Variants in APCDD1 observed in about 807,000 individuals in gnomAD.
The protein encoded by APCDD1 is APC down-regulated 1.
Under a neutral mutation model 38.1 loss-of-function variants are expected in APCDD1, and 15 were observed. The observed-to-expected ratio is 0.39, with a 90% CI of 0.26 to 0.61. The LOEUF is 0.61. Among genes scored for constraint, APCDD1 ranks in the 20% least tolerant of loss-of-function variants. The probability of loss-of-function intolerance (pLI) is 0.49; values close to 1 mark genes in which losing one functional copy is unlikely to be tolerated. For missense variants in APCDD1, 647 were observed against 696.2 expected (o/e 0.93, Z 0.79); for synonymous variants, 261 against 279.7 (o/e 0.93, Z 0.67).
In APCDD1 at chr18:10,487,806, T is replaced by G; in HGVS notation, c.1313T>G (p.Phe438Cys). The G allele has an allele frequency of 1.2e-6, 2 of 1,614,108 alleles. No homozygotes were observed. Among genetic ancestry groups the G allele is most frequent in the Non-Finnish European group, 1.7e-6 (2 of 1,180,038 alleles). ...GATGCCCGGGGGCGCTATCTGCTGT[T>G]CAACGGTCAGAGGCCCAGCGACGGG... is the stretch of plus-strand genomic sequence containing the variant. Reference protein sequence around the residue: ...EQDARGRYLLFNGQRPSDGSS... With the variant: ...EQDARGRYLLCNGQRPSDGSS... Residue 438 changes from phenylalanine to cysteine, a missense_variant, in exon 5 of 5, where the codon TTC (phenylalanine) becomes TGC (cysteine). Phe to Cys is a radical substitution (Grantham distance 205). Coordinates refer to ENST00000355285, the MANE Select transcript of APCDD1 (RefSeq NM_153000.5).
chr18:10,461,984 T>C (rs1057049853), intron 1 of APCDD1, among the ~76,000 whole-genome samples: 4 of 152,232 alleles, frequency 2.6e-5, no homozygotes, highest in African/African-American at 7.2e-5. Flanking sequence ...CCAATACCTT[T>C]CTATCCACAG....
chr18:10,460,785 G>C (rs1170764320), intron 1 of APCDD1, among the ~76,000 whole-genome samples: 1 of 152,100 alleles, frequency 6.6e-6, no homozygotes, highest in Non-Finnish European at 1.5e-5. Flanking sequence ...TGGTTTCCGG[G>C]TACACTGGCG....
At chr18:10,474,337 C>T (rs1166988668) in intron 3 of APCDD1, 3 of 152,252 alleles carry the variant, frequency 2.0e-5, no homozygotes, top group Non-Finnish European at 4.4e-5. Flanking sequence ...CCCCGCAACC[C>T]GCCGTTCCCT....
intron 3 of APCDD1, among the ~76,000 whole-genome samples, chr18:10,479,707 G>C (rs2031089898): frequency 6.6e-6 from 1 of 152,134 alleles, no homozygotes; most frequent in Non-Finnish European, 1.5e-5. Flanking sequence ...TGCCTTAGTT[G>C]CCTCGTCTGT....
Position 10,471,684 on chromosome 18 carries a change from G to T in APCDD1, c.397G>T (p.Ala133Ser), listed in dbSNP as rs1345777997. Reference protein sequence around the residue: ...IIRGKIRLRQASWIIRGGTEA... With the variant: ...IIRGKIRLRQSSWIIRGGTEA... Reference sequence around the variant, plus strand: ...CCGGGGCAAGATCCGCCTCCGCCAGGCCTCCTGGATCATCCGAGGGGGCAC... The same window carrying T: ...CCGGGGCAAGATCCGCCTCCGCCAGTCCTCCTGGATCATCCGAGGGGGCAC... Residue 133 changes from alanine (A) to serine (S), a missense_variant, in exon 3 of 5, where the codon GCC becomes TCC. Physicochemically the swap from Ala to Ser is moderately conservative, Grantham distance 99 (BLOSUM62 1). Transcript: ENST00000355285. The surrounding 1 kb of genome is among the most constrained non-coding windows in gnomAD (Gnocchi z 5.5). 3 of 1,613,980 alleles carry T rather than the reference G, an allele frequency of 1.9e-6. No homozygotes were observed. Among genetic ancestry groups the T allele is most frequent in the African/African-American group, 2.7e-5 (2 of 74,910 alleles).
At chr18:10,459,064 A>G (rs191740714) in intron 1 of APCDD1, among the ~76,000 whole-genome samples, 2 of 152,198 alleles carry the variant, frequency 1.3e-5, no homozygotes, top group Non-Finnish European at 2.9e-5. Context: ...CTGTTCTGCA[A>G]GGGTTTTCCG....
Position 10,471,872 on chromosome 18 carries a change from C to A in APCDD1, c.585C>A (p.Gly195=). ...ATGACCTCTGGCGAGAGGAGAACGG[C>A]TGTGAGTGCACCAAGGCCGTGAACT... is the stretch of plus-strand genomic sequence containing the variant. The part of the protein sequence containing the change: ...VAYDLWREEN[G]CECTKAVNFA... Residue 195 remains glycine (G), a synonymous_variant, in exon 3 of 5, where the codon GGC becomes GGA. Transcript: ENST00000355285. This position sits in a 1 kb window ranked among gnomAD's most constrained non-coding sequence, Gnocchi z 5.5. 6.2e-7 allele frequency: 1 copy of A among 1,614,208 alleles called. No homozygotes were observed. Among genetic ancestry groups the A allele is most frequent in the African/African-American group, 1.3e-5 (1 of 75,048 alleles).
At chr18:10,466,522 T>C in intron 1 of APCDD1, among the ~76,000 whole-genome samples, 1 of 152,192 alleles carries the variant, frequency 6.6e-6, no homozygotes, top group East Asian at 1.9e-4. Context: ...GGGGAGCTGA[T>C]CAAAATGCAT....
chr18:10,486,949 T>G (rs956129722), intron 4 of APCDD1, among the ~76,000 whole-genome samples: 4 of 152,236 alleles, frequency 2.6e-5, no homozygotes, highest in African/African-American at 9.6e-5. Flanking sequence ...CAATCTTTAC[T>G]TGACTCCACC....
rs994459000 is a variant in APCDD1 at position 10,489,036 on chromosome 18, T to G, written c.*998T>G. 3.9e-5 allele frequency: 6 copies of G among 152,218 alleles called. No individual in the cohort carries two copies. Among genetic ancestry groups the G allele is most frequent in the Non-Finnish European group, 5.9e-5 (4 of 68,056 alleles). 9.4% of individuals were successfully genotyped at this position (152,218 alleles called of 1,614,324 possible). ...CATGCAGAGACAGAACTTCAGCTGCTCAGAGAGAGTGCAGTGGGCATGGTC... is the reference window on the plus strand; with the variant it reads ...CATGCAGAGACAGAACTTCAGCTGCGCAGAGAGAGTGCAGTGGGCATGGTC... On this transcript the variant is annotated 3_prime_UTR_variant, in exon 5 of 5. Transcript: ENST00000355285.
rs1454870004 is a variant in APCDD1 at position 10,485,321 on chromosome 18, A to G, written c.775-141A>G. On this transcript the variant is annotated intron_variant, in intron 3 of 4. Coordinates refer to ENST00000355285, the MANE Select transcript of APCDD1 (RefSeq NM_153000.5). The surrounding 1 kb of genome is among the most constrained non-coding windows in gnomAD (Gnocchi z 5.8). ...TCTCACCTCTGTCTGTGCCCGGAGCATGATTCCAGTTGGTTCTTGGTGTCG... is the reference window on the plus strand; with the variant it reads ...TCTCACCTCTGTCTGTGCCCGGAGCGTGATTCCAGTTGGTTCTTGGTGTCG... 5.7e-6 allele frequency: 5 copies of G among 883,366 alleles called. 1 individual carries two copies. Among genetic ancestry groups the G allele is most frequent in the Non-Finnish European group, 9.3e-6 (5 of 536,382 alleles). 54.7% of individuals were successfully genotyped at this position (883,366 alleles called of 1,614,324 possible). A position where few individuals can be genotyped will look rare whatever the true frequency, so the allele number is the denominator to read the frequency against.
At chr18:10,483,120 TA>T (rs1164481641) in intron 3 of APCDD1, among the ~76,000 whole-genome samples, 1 of 152,200 alleles carries the variant, frequency 6.6e-6, no homozygotes, top group Admixed American at 6.5e-5. Flanking sequence ...GAGAAATAAA[TA>T]GCTTGCCCAA....
rs1306562076 is a variant in APCDD1 at position 10,471,449 on chromosome 18, G to C, written c.243-81G>C. ...TCGTCAGCACTTTATTATTATTTCTGTAATTTCTTAATACTATAATGAATC... is the reference window on the plus strand; with the variant it reads ...TCGTCAGCACTTTATTATTATTTCTCTAATTTCTTAATACTATAATGAATC... On this transcript the variant is annotated intron_variant, in intron 2 of 4. Transcript: ENST00000355285. The surrounding 1 kb of genome is among the most constrained non-coding windows in gnomAD (Gnocchi z 5.5). The C allele has an allele frequency of 3.8e-6, 6 of 1,573,216 alleles. No homozygotes were observed. Among genetic ancestry groups the C allele is most frequent in the Non-Finnish European group, 5.2e-6 (6 of 1,147,898 alleles).
At chr18:10,474,652 G>A (rs1249298638) in intron 3 of APCDD1, among the ~76,000 whole-genome samples, 5 of 152,112 alleles carry the variant, frequency 3.3e-5, no homozygotes, top group African/African-American at 9.7e-5. Context: ...CCATCATCAC[G>A]TTTATTTTCT....
Position 10,475,801 on chromosome 18 carries a change from G to C in APCDD1, c.774+3740G>C, listed in dbSNP as rs968262916. The C allele has an allele frequency of 1.3e-5, 2 of 151,690 alleles. No homozygotes were observed. Among genetic ancestry groups the C allele is most frequent in the Admixed American group, 6.6e-5 (1 of 15,210 alleles). The allele number at this position is 151,690 out of a possible 1,614,324, so 9.4% of individuals were successfully genotyped here. A position where few individuals can be genotyped will look rare whatever the true frequency, so the allele number is the denominator to read the frequency against. Reference sequence around the variant, plus strand: ...GCCTCGCAAGATGGCTGAGGGGGGGGGGGGTCAGTGGAAGGCCGAGTGGCT... The same window carrying C: ...GCCTCGCAAGATGGCTGAGGGGGGGCGGGGTCAGTGGAAGGCCGAGTGGCT... On this transcript the variant is annotated intron_variant, in intron 3 of 4. Transcript: ENST00000355285. The surrounding 1 kb of genome is among the most constrained non-coding windows in gnomAD (Gnocchi z 4.0).
At chr18:10,457,250 C>T (rs1445051690) in intron 1 of APCDD1, among the ~76,000 whole-genome samples, 1 of 152,148 alleles carries the variant, frequency 6.6e-6, no homozygotes, top group Non-Finnish European at 1.5e-5. Context: ...TGTAAAGCAC[C>T]AGAAAAGAAT....
chr18:10,486,865 C>A (rs2031260273), intron 4 of APCDD1, among the ~76,000 whole-genome samples: 1 of 152,206 alleles, frequency 6.6e-6, no homozygotes, highest in South Asian at 2.1e-4. Flanking sequence ...TCCTGGAAGA[C>A]TTTAGCCCTC....
At chr18:10,474,530 C>T (rs1025614688) in intron 3 of APCDD1, among the ~76,000 whole-genome samples, 1 of 152,226 alleles carries the variant, frequency 6.6e-6, no homozygotes, top group South Asian at 2.1e-4. Context: ...CCGAACCCGA[C>T]CTTGGACTAG....
chr18:10,464,035 A>G (rs2030638531), intron 1 of APCDD1, among the ~76,000 whole-genome samples: 3 of 152,002 alleles, frequency 2.0e-5, no homozygotes, highest in African/African-American at 7.2e-5. Flanking sequence ...ATCTTTAGAA[A>G]CCCTGGGCTA....
Sources: gnomAD v4.1 joint callset for allele counts (sites outside exome capture counted in the v4.1 genomes callset) on GRCh38, gnomAD v4.1.1 for gene constraint, Gnocchi (gnomAD v3.1) non-coding constraint, MANE v1.5 for transcripts, NCBI Gene and HGNC (gene_info 2026-07-23, HGNC 2026-07-21) for gene names.